GPSM1: variants seen among roughly 807,000 people sequenced by gnomAD.
The protein encoded by GPSM1 is G protein-signaling modulator 1.
A neutral mutation model predicts 70.5 loss-of-function variants in GPSM1; 48 were observed. The ratio of observed to expected loss-of-function variants is 0.68; its 90% CI spans 0.54 to 0.87. GPSM1 has a LOEUF of 0.87. Among genes scored for constraint, GPSM1 ranks in the 40% least tolerant of loss-of-function variants. GPSM1 has a pLI of 0.00. For synonymous variants in GPSM1, 416 were observed against 430.1 expected (o/e 0.97, Z 0.41); for missense variants, 981 against 972.6 (o/e 1.01, Z -0.11).
At position 136,358,696 on chromosome 9, in the gene GPSM1, T is replaced by C. The variant is rs1386569272; in HGVS notation, c.*476T>C. The C allele has an allele frequency of 2.9e-5, 6 of 204,452 alleles. No homozygotes were observed. Among genetic ancestry groups the C allele is most frequent in the Non-Finnish European group, 5.9e-5 (6 of 102,398 alleles). 12.7% of individuals were successfully genotyped at this position (204,452 alleles called of 1,614,324 possible). Reference sequence around the variant, plus strand: ...ACAGGCATGCTCCACCCCTCCAGCTTCGTCCTGGGGCAGGGCTCCCTCCAA... The same window carrying C: ...ACAGGCATGCTCCACCCCTCCAGCTCCGTCCTGGGGCAGGGCTCCCTCCAA... On this transcript the variant is annotated 3_prime_UTR_variant, in exon 14 of 14. Transcript: ENST00000440944.
At chr9:136,353,084 T>G (rs1832715580) in intron 11 of GPSM1, 1 of 985,300 alleles carries the variant, frequency 1.0e-6, no homozygotes, top group Admixed American at 6.1e-5. Context: ...GCACCTTGTG[T>G]CCTGCCTGCG....
At chr9:136,344,801 G>A (rs1832481202) in intron 9 of GPSM1, among the ~76,000 whole-genome samples, 2 of 152,336 alleles carry the variant, frequency 1.3e-5, no homozygotes, top group East Asian at 1.9e-4. Context: ...GGAGCAAGGC[G>A]AGGGCCTTGG....
intron 8 of GPSM1, 103 bp downstream of exon 8, chr9:136,339,918 C>T: frequency 2.7e-6 from 2 of 729,128 alleles, no homozygotes; most frequent in Admixed American, 2.1e-5. Flanking sequence ...CTGGGCCCCC[C>T]TCATCCTTTC....
In GPSM1 at chr9:136,349,696, G is replaced by A. The variant is rs1283465200; in HGVS notation, c.1388G>A (p.Arg463Lys). 1.3e-6 allele frequency: 2 copies of A among 1,564,454 alleles called. No homozygotes were observed. The highest frequency in any genetic ancestry group is 1.2e-5 in the South Asian group (1 of 85,088). The change falls in exon 11 of 14, where the codon AGG (arginine) becomes AAG (lysine). Residue 463 changes from arginine to lysine, a missense_variant. Transcript: ENST00000440944. Reference protein sequence around the residue: ...RKYQEGPDAERRPREGSHSPL... With the variant: ...RKYQEGPDAEKRPREGSHSPL... ...TACCAGGAAGGCCCGGACGCTGAGA[G>A]GAGGCCCCGGGAGGGCAGCCACTCC...
In GPSM1 at chr9:136,336,239, T is replaced by A. The variant is rs1832232244; in HGVS notation, c.426+138T>A. On this transcript the variant is annotated intron_variant, in intron 3 of 13. Coordinates refer to ENST00000440944, the MANE Select transcript of GPSM1 (RefSeq NM_001145638.3). ...ATGACAGGGAGGTCGGTCCCCTAGA[T>A]CCCGAGTGACTCAGGAGAGTGTGGG... 3 of 1,044,256 alleles carry A rather than the reference T, an allele frequency of 2.9e-6. No homozygotes were observed. The East Asian group carries it at 7.8e-5, about 27-fold the overall frequency. The allele number at this position is 1,044,256 out of a possible 1,614,324, so 64.7% of individuals were successfully genotyped here.
rs1832410594 is a variant in GPSM1, at chr9:136,342,299, G to A, written c.1207+1306G>A. 6.6e-6 allele frequency among the ~76,000 whole-genome samples: 1 copy of A among 152,162 alleles called. No individual in the cohort carries two copies. The highest frequency in any genetic ancestry group is 2.4e-5 in the African/African-American group (1 of 41,444). ...GGACCCCAGCAGCAACTGGCAGCAG[G>A]GCTGGGAGCAGCTCTGGAAAGGCTC... On this transcript the variant is annotated intron_variant, in intron 9 of 13. Transcript: ENST00000440944. The surrounding 1 kb of genome is among the most constrained non-coding windows in gnomAD (Gnocchi z 5.5).
chr9:136,328,475 G>T (rs150720659), intron 1 of GPSM1, among the ~76,000 whole-genome samples: 2,141 of 152,318 alleles, frequency 0.014, 51 homozygotes, highest in African/African-American at 0.049. Flanking sequence ...CTTGCGAATG[G>T]GTGGCAGCCG....
intron 11 of GPSM1, among the ~76,000 whole-genome samples, chr9:136,352,086 T>G (rs28448405): frequency 0.5 from 45,775 of 92,460 alleles, 11,334 homozygotes; most frequent in Middle Eastern, 0.61. Context: ...ACACCAATAC[T>G]GCGCCGTTGC....
Position 136,356,491 on chromosome 9 carries a change from G to C in GPSM1, c.1762G>C (p.Gly588Arg). The change falls in exon 13 of 14, where the codon GGC becomes CGC. Residue 588 changes from glycine to arginine, a missense_variant. Transcript: ENST00000440944. Reference sequence around the variant, plus strand: ...CCACAGCAATGCAGGGCACCTCCGAGGCCACGGCGAGCCCCAGGAGCCGGG... The same window carrying C: ...CCACAGCAATGCAGGGCACCTCCGACGCCACGGCGAGCCCCAGGAGCCGGG... ...ITHSNAGHLR[G>R]HGEPQEPGDD... 2 of 1,612,010 alleles carry C rather than the reference G, an allele frequency of 1.2e-6. No individual in the cohort carries two copies. The highest frequency in any genetic ancestry group is 1.7e-6 in the Non-Finnish European group (2 of 1,179,412).
chr9:136,339,643 A>AGGGGCTGGGGCTG (rs1554769842), intron 7 of GPSM1, 64 bp from the exon 8 acceptor site: 1 of 1,140,808 alleles, frequency 8.8e-7, no homozygotes, highest in Non-Finnish European at 1.3e-6. Context: ...CCACCAGGGG[A>AGGGGCTGGGGCTG]GGGGCTGGGG....
chr9:136,327,854 GCAGCTCTCGCGGGCGCGCAGCGT>G, intron 1 of GPSM1, 91 bp downstream of exon 1: 1 of 416,992 alleles, frequency 2.4e-6, no homozygotes, highest in Non-Finnish European at 3.6e-6. Flanking sequence ...GGGAACAAAG[GCAGCTCTCGCGGGCGCGCAGCGT>G]GGCTGAGGAC....
rs781879368 is a variant in GPSM1 at position 136,342,180 on chromosome 9, G to T, written c.1207+1187G>T. Among the ~76,000 whole-genome samples the T allele has an allele frequency of 5.3e-5, 8 of 152,140 alleles. No individual in the cohort carries two copies. The highest frequency in any genetic ancestry group is 1.2e-4 in the Non-Finnish European group (8 of 68,020). The stretch of plus-strand genomic sequence containing the variant: ...ATGTCCAGGCCTATTTCTACCCATG[G>T]CCGGGGTTTCCTAAGGGTGGGGAGC... On this transcript the variant is annotated intron_variant, in intron 9 of 13. Coordinates refer to ENST00000440944, the MANE Select transcript of GPSM1 (RefSeq NM_001145638.3). The surrounding 1 kb of genome is among the most constrained non-coding windows in gnomAD (Gnocchi z 5.5).
Position 136,334,575 on chromosome 9 carries a change from G to A in GPSM1, c.197G>A (p.Ser66Asn). 1 of 1,613,440 alleles carries A rather than the reference G, an allele frequency of 6.2e-7. No individual in the cohort carries two copies. Among genetic ancestry groups the A allele is most frequent in the Non-Finnish European group, 8.5e-7 (1 of 1,179,990 alleles). Residue 66 changes from serine (S) to asparagine (N), a missense_variant, in exon 2 of 14, where the codon AGT (serine) becomes AAT (asparagine). Physicochemically the swap from Ser to Asn is conservative, Grantham distance 46 (BLOSUM62 1). Transcript: ENST00000440944. ...GGCACCGAGGACCTGAAGACACTGAGTGCCATCTACAGCCAGCTGGGCAAC... is the reference window on the plus strand; with the variant it reads ...GGCACCGAGGACCTGAAGACACTGAATGCCATCTACAGCCAGCTGGGCAAC... Reference protein sequence around the residue: ...QVGTEDLKTLSAIYSQLGNAY... With the variant: ...QVGTEDLKTLNAIYSQLGNAY...
In GPSM1 at chr9:136,340,982, A is replaced by G. The variant is rs1169103285; in HGVS notation, c.1196A>G (p.Tyr399Cys). The G allele has an allele frequency of 7.0e-6, 11 of 1,566,440 alleles. No homozygotes were observed. In the Admixed American group the frequency reaches 1.3e-4, roughly 19 times the overall value. ...TCAGAGAAGCCTGACCTGGCCGGCT[A>G]TGAGGCCCAGGGTGAGTTCCAGGGT... ...AASEKPDLAG[Y>C]EAQGARPKRT... Residue 399 changes from tyrosine to cysteine, a missense_variant, in exon 9 of 14, where the codon TAT becomes TGT. Physicochemically the swap from Tyr to Cys is radical, Grantham distance 194 (BLOSUM62 -2). Transcript: ENST00000440944. The surrounding 1 kb of genome is among the most constrained non-coding windows in gnomAD (Gnocchi z 7.3).
chr9:136,355,893 G>A (rs782207836), intron 12 of GPSM1, 47 bp downstream of exon 12: 11 of 1,504,544 alleles, frequency 7.3e-6, no homozygotes, highest in Middle Eastern at 2.0e-4. Flanking sequence ...TGTCTGCAGG[G>A]GCCAGGACCA....
At position 136,356,386 on chromosome 9, in the gene GPSM1, G is replaced by C. The variant is rs369457427; in HGVS notation, c.1657G>C (p.Asp553His). The C allele has an allele frequency of 1.2e-6, 2 of 1,608,146 alleles. No individual in the cohort carries two copies. Among genetic ancestry groups the C allele is most frequent in the African/African-American group, 1.3e-5 (1 of 74,732 alleles). ...TASPQTEEFF[D>H]LIASSQSRRL... ...CTCGCCCCAGACCGAGGAATTCTTC[G>C]ACCTCATCGCCAGCTCCCAGAGCCG... The change falls in exon 13 of 14, where the codon GAC becomes CAC. Residue 553 changes from aspartate (D) to histidine (H), a missense_variant. Asp to His is a moderately conservative substitution (Grantham distance 81). Transcript: ENST00000440944.
chr9:136,335,805 C>A lies in GPSM1; in HGVS notation c.291-161C>A, dbSNP rs1021862893. Among the ~76,000 whole-genome samples the A allele has an allele frequency of 5.3e-4, 80 of 152,172 alleles. 2 individuals are homozygous for A. The highest frequency in any genetic ancestry group is 1.2e-4 in the Non-Finnish European group (8 of 68,026). On this transcript the variant is annotated intron_variant, in intron 2 of 13. Coordinates refer to ENST00000440944, the MANE Select transcript of GPSM1 (RefSeq NM_001145638.3). ...CTGCCCTCGGGCCTCACTTGCCCGG[C>A]CTGTGGGCCCCTGCCCAGTATCACC...
At chr9:136,348,620 C>G in intron 9 of GPSM1, 77 bp from the exon 10 acceptor site, 3 of 1,138,466 alleles carry the variant, frequency 2.6e-6, no homozygotes, top group Non-Finnish European at 2.5e-6. Context: ...TCCTTGGCCC[C>G]CCAGAGACTC....
chr9:136,354,596 C>T (rs1355703783), intron 11 of GPSM1, among the ~76,000 whole-genome samples: 11 of 152,202 alleles, frequency 7.2e-5, no homozygotes, highest in African/African-American at 2.2e-4. Flanking sequence ...GGGAGGTGGA[C>T]GGGGCTTGGA....
Sources: allele counts gnomAD v4.1 joint callset (sites outside exome capture counted in the v4.1 genomes callset), GRCh38; gene constraint gnomAD v4.1.1; non-coding constraint Gnocchi (gnomAD v3.1); transcripts MANE v1.5; gene names NCBI Gene and HGNC (gene_info 2026-07-23, HGNC 2026-07-21).